The following KCNIP1 variants were observed in gnomAD, a reference collection of about 807,000 sequenced individuals.
KCNIP1 encodes A-type potassium channel modulatory protein KCNIP1.
In KCNIP1, 18 loss-of-function variants were observed where a neutral mutation model predicts 33.0. That is an observed-to-expected ratio of 0.55 (90% confidence interval 0.38 to 0.81). The LOEUF (loss-of-function observed/expected upper bound fraction) is 0.81. Among genes scored for constraint, KCNIP1 ranks in the 30% least tolerant of loss-of-function variants. KCNIP1 has a pLI of 0.00. For missense variants in KCNIP1, 238 were observed against 271.6 expected, an observed-to-expected ratio of 0.88 and a Z score of 0.87; for synonymous variants, 93 against 98.3, an observed-to-expected ratio of 0.95 and a Z score of 0.32.
At chr5:170,426,247 T>TCACACACACA (rs143211356) in intron 1 of KCNIP1, among the ~76,000 whole-genome samples, 28,320 of 149,072 alleles carry the variant, frequency 0.19, 2,871 homozygotes, top group Non-Finnish European at 0.24. Context: ...TCAAAAGGAA[T>TCACACACACA]CACACACACA....
chr5:170,385,574 A>C, intron 1 of KCNIP1: 26 of 1,050,402 alleles, frequency 2.5e-5, no homozygotes, highest in Non-Finnish European at 3.5e-5. Context: ...TATTAATATC[A>C]CTCTTGTTTA....
chr5:170,663,393 G>T (rs888578725), intron 1 of KCNIP1, among the ~76,000 whole-genome samples: 1 of 152,142 alleles, frequency 6.6e-6, no homozygotes, highest in Non-Finnish European at 1.5e-5. Context: ...GTAAGAGAAA[G>T]GAGGGTGCCT....
intron 1 of KCNIP1, among the ~76,000 whole-genome samples, chr5:170,485,670 C>A (rs1330037995): frequency 6.6e-6 from 1 of 152,188 alleles, no homozygotes; most frequent in Non-Finnish European, 1.5e-5. Context: ...AGAGGGGCTG[C>A]TGATGACATG....
chr5:170,528,979 CT>C (rs1310273155), intron 1 of KCNIP1, among the ~76,000 whole-genome samples: 2 of 152,184 alleles, frequency 1.3e-5, no homozygotes, highest in Admixed American at 6.5e-5. Context: ...CCCATAGTCT[CT>C]TTGTCAGATA....
chr5:170,649,706 T>G (rs1004222686), intron 1 of KCNIP1, among the ~76,000 whole-genome samples: 1 of 152,152 alleles, frequency 6.6e-6, no homozygotes, highest in Non-Finnish European at 1.5e-5. Context: ...GTAGGAGCAC[T>G]GACCTGTTCA....
At chr5:170,378,011 T>C (rs1370688830) in intron 1 of KCNIP1, 5 of 152,132 alleles carry the variant, frequency 3.3e-5, no homozygotes, top group Non-Finnish European at 5.9e-5. Context: ...TACCATGGCT[T>C]TTCTGATTAA....
chr5:170,643,359 A>C (rs1350044830), intron 1 of KCNIP1, among the ~76,000 whole-genome samples: 2 of 150,432 alleles, frequency 1.3e-5, no homozygotes, highest in African/African-American at 4.9e-5. Context: ...TGTTTTGTTA[A>C]GCTAGCAAAT....
intron 1 of KCNIP1, among the ~76,000 whole-genome samples, chr5:170,471,402 G>T (rs1162747910): frequency 6.6e-6 from 1 of 152,204 alleles, no homozygotes; most frequent in Non-Finnish European, 1.5e-5. Flanking sequence ...GTCAATGTCT[G>T]CAGACCAGAT....
chr5:170,598,577 T>C (rs1425604940), intron 1 of KCNIP1, among the ~76,000 whole-genome samples: 1 of 151,978 alleles, frequency 6.6e-6, no homozygotes, highest in Non-Finnish European at 1.5e-5. Context: ...AACCAGGACA[T>C]GGGTGGACTC....
At chr5:170,487,401 C>T (rs954174948) in intron 1 of KCNIP1, among the ~76,000 whole-genome samples, 2 of 152,128 alleles carry the variant, frequency 1.3e-5, no homozygotes, top group Non-Finnish European at 2.9e-5. Flanking sequence ...GGCAAGTTGA[C>T]ACGCAAAATT....
intron 1 of KCNIP1, among the ~76,000 whole-genome samples, chr5:170,356,603 G>T (rs1424736904): frequency 6.6e-6 from 1 of 152,114 alleles, no homozygotes; most frequent in Non-Finnish European, 1.5e-5. Flanking sequence ...CATAATTTGT[G>T]GTCTGCATTC....
intron 1 of KCNIP1, among the ~76,000 whole-genome samples, chr5:170,447,549 G>A (rs1031038389): frequency 3.9e-5 from 6 of 152,124 alleles, no homozygotes; most frequent in Non-Finnish European, 7.4e-5. Flanking sequence ...CACAAGGTGC[G>A]TGGCCTCTAG....
chr5:170,721,650 T>A, intron 3 of KCNIP1, 183 bp from the exon 4 acceptor site: 1 of 1,266,982 alleles, frequency 7.9e-7, no homozygotes, highest in South Asian at 1.3e-5. Context: ...CACTTTTTGC[T>A]AGATCTAACT....
At chr5:170,626,154 G>A (rs527926235) in intron 1 of KCNIP1, among the ~76,000 whole-genome samples, 5 of 152,342 alleles carry the variant, frequency 3.3e-5, no homozygotes, top group African/African-American at 7.2e-5. Flanking sequence ...TAGCTGCTAT[G>A]TAGAACAACT....
At chr5:170,569,951 A>G (rs1366879033) in intron 1 of KCNIP1, among the ~76,000 whole-genome samples, 1 of 152,216 alleles carries the variant, frequency 6.6e-6, no homozygotes, top group African/African-American at 2.4e-5. Context: ...AGAGCAAAGC[A>G]TCTAGACATT....
Position 170,554,776 on chromosome 5 carries a change from T to C in KCNIP1, c.61+50143T>C, listed in dbSNP as rs567713323. Among the ~76,000 whole-genome samples the C allele has an allele frequency of 1.2e-4, 18 of 152,314 alleles. 1 individual carries two copies. The South Asian group carries it at 3.7e-3, about 32-fold the overall frequency. ...TCTGTTTATCGGTTCTCTTCCTGTA[T>C]GTGTCATGCTCTCCTTCCCTCTCTC... is the stretch of plus-strand genomic sequence containing the variant. On this transcript the variant is annotated intron_variant, in intron 1 of 7. Transcript: ENST00000328939.
At chr5:170,606,486 T>C (rs1434123163) in intron 1 of KCNIP1, among the ~76,000 whole-genome samples, 1 of 152,146 alleles carries the variant, frequency 6.6e-6, no homozygotes, top group Non-Finnish European at 1.5e-5. Context: ...CAACCAACTA[T>C]AAAATGATTA....
rs1352920513 is a variant in KCNIP1, at chr5:170,483,208, C to T, written c.88+129244C>T. 7.8e-6 allele frequency: 3 copies of T among 383,622 alleles called. No individual in the cohort carries two copies. The East Asian group carries it at 2.4e-4, about 31-fold the overall frequency. The allele number at this position is 383,622 out of a possible 1,614,324, so 23.8% of individuals were successfully genotyped here. A position where few individuals can be genotyped will look rare whatever the true frequency, so the allele number is the denominator to read the frequency against. On this transcript the variant is annotated intron_variant, in intron 1 of 7. Transcript: ENST00000377360. ...CTGAAAATCATAGGTAACTATGAGGCAAGAGGAACCCAGGGTGGTGGGAAC... is the reference window on the plus strand; with the variant it reads ...CTGAAAATCATAGGTAACTATGAGGTAAGAGGAACCCAGGGTGGTGGGAAC...
chr5:170,556,164 T>G (rs1478943939), intron 1 of KCNIP1, among the ~76,000 whole-genome samples: 2 of 152,234 alleles, frequency 1.3e-5, no homozygotes, highest in African/African-American at 2.4e-5. Flanking sequence ...TTATCCCTAT[T>G]TGATGGATGA....
Sources: gnomAD v4.1 joint callset for allele counts (sites outside exome capture counted in the v4.1 genomes callset) on GRCh38, gnomAD v4.1.1 for gene constraint, MANE v1.5 for transcripts, NCBI Gene and HGNC (gene_info 2026-07-23, HGNC 2026-07-21) for gene names.